The following VPS54 variants were observed in gnomAD, a reference collection of about 807,000 sequenced individuals.
VPS54 encodes the protein vacuolar protein sorting-associated protein 54.
In VPS54, 45 loss-of-function variants were observed where a neutral mutation model predicts 121.5. That is an observed-to-expected ratio of 0.37 (90% confidence interval 0.29 to 0.47). The LOEUF is 0.47. Among genes scored for constraint, VPS54 ranks in the 20% least tolerant of loss-of-function variants. VPS54 has a pLI of 0.99. For synonymous variants in VPS54, 371 were observed against 385.8 expected, an observed-to-expected ratio of 0.96 and a Z score of 0.45; for missense variants, 1,090 against 1,131.4, an observed-to-expected ratio of 0.96 and a Z score of 0.52.
chr2:63,979,700 A>C (rs968112204), intron 3 of VPS54, among the ~76,000 whole-genome samples: 6 of 152,190 alleles, frequency 3.9e-5, no homozygotes, highest in African/African-American at 1.4e-4. Flanking sequence ...ATTCAGTTCA[A>C]ACTACTTTCT....
At chr2:63,999,973 G>A (rs1441778418) in intron 1 of VPS54, among the ~76,000 whole-genome samples, 1 of 151,972 alleles carries the variant, frequency 6.6e-6, no homozygotes, top group Non-Finnish European at 1.5e-5. Flanking sequence ...CAATTCTCCT[G>A]CCTCAGCCTC....
At chr2:63,991,149 G>A (rs548826192) in intron 1 of VPS54, among the ~76,000 whole-genome samples, 10 of 152,082 alleles carry the variant, frequency 6.6e-5, no homozygotes, top group Non-Finnish European at 1.3e-4. Context: ...AAGTAACAAA[G>A]GTGTGTATGA....
chr2:63,911,951 A>T (rs1448300928), intron 20 of VPS54, among the ~76,000 whole-genome samples: 1 of 152,226 alleles, frequency 6.6e-6, no homozygotes, highest in Non-Finnish European at 1.5e-5. Flanking sequence ...ATTTAATGAC[A>T]TATTGGGAAT....
chr2:63,954,173 G>T (rs1400365246), intron 7 of VPS54, among the ~76,000 whole-genome samples: 1 of 152,084 alleles, frequency 6.6e-6, no homozygotes, highest in Non-Finnish European at 1.5e-5. Flanking sequence ...CAGGTCTGGG[G>T]TAGGAAATGC....
At chr2:63,998,652 G>A (rs1336918040) in intron 1 of VPS54, among the ~76,000 whole-genome samples, 3 of 152,100 alleles carry the variant, frequency 2.0e-5, no homozygotes, top group East Asian at 3.9e-4. Flanking sequence ...AATTAACACT[G>A]CTTGTATAAA....
intron 20 of VPS54, among the ~76,000 whole-genome samples, chr2:63,903,688 T>C (rs1672783880): frequency 6.6e-6 from 1 of 152,096 alleles, no homozygotes; most frequent in Non-Finnish European, 1.5e-5. Flanking sequence ...AGGGAAGTAA[T>C]GTCATATTAT....
At chr2:63,938,234 G>C (rs927174811) in intron 11 of VPS54, among the ~76,000 whole-genome samples, 2 of 151,932 alleles carry the variant, frequency 1.3e-5, no homozygotes, top group South Asian at 4.2e-4. Context: ...TCAAGGTGTT[G>C]GGATTATAGG....
At chr2:64,016,913 G>A (rs925696382) in intron 1 of VPS54, among the ~76,000 whole-genome samples, 1 of 150,742 alleles carries the variant, frequency 6.6e-6, no homozygotes, top group Non-Finnish European at 1.5e-5. Flanking sequence ...CCGGCCAAGT[G>A]GTACACCTTA....
At position 63,965,860 on chromosome 2, in the gene VPS54, G is replaced by A; in HGVS notation, c.599C>T (p.Ala200Val). 1 of 1,611,872 alleles carries A rather than the reference G, an allele frequency of 6.2e-7. No homozygotes were observed. The highest frequency in any genetic ancestry group is 8.5e-7 in the Non-Finnish European group (1 of 1,179,462). The change falls in exon 6 of 23, where the codon GCT becomes GTT. Residue 200 changes from alanine (A) to valine (V), a missense_variant. Transcript: ENST00000272322. ...CTTTTCTTGAAGCAACTTTGAGGAA[G>A]CTGCATCACGATTTCCTTTTCCACC... Reference protein sequence around the residue: ...TAGGKGNRDAASSKLLQEKLS... With the variant: ...TAGGKGNRDAVSSKLLQEKLS...
At chr2:63,952,148 C>A (rs1379293594) in intron 7 of VPS54, among the ~76,000 whole-genome samples, 2 of 152,152 alleles carry the variant, frequency 1.3e-5, no homozygotes, top group Non-Finnish European at 1.5e-5. Flanking sequence ...TACTGTGCAA[C>A]ATCGCTTAAG....
intron 2 of VPS54, among the ~76,000 whole-genome samples, chr2:63,982,824 G>C (rs1676860316): frequency 6.6e-6 from 1 of 152,228 alleles, no homozygotes; most frequent in African/African-American, 2.4e-5. Flanking sequence ...TTTATAGTAT[G>C]AGAGCTGAAA....
At chr2:63,991,903 T>A (rs1205612117) in intron 1 of VPS54, among the ~76,000 whole-genome samples, 1 of 152,162 alleles carries the variant, frequency 6.6e-6, no homozygotes, top group Non-Finnish European at 1.5e-5. Context: ...ACGTTAGGGG[T>A]TGGGGCGGTC....
chr2:63,928,062 G>A (rs1490867443), intron 12 of VPS54, among the ~76,000 whole-genome samples: 1 of 152,204 alleles, frequency 6.6e-6, no homozygotes, highest in African/African-American at 2.4e-5. Flanking sequence ...GTGATGGGAA[G>A]AGTGGAACCA....
At chr2:63,949,643 A>T (rs1461760283) in intron 7 of VPS54, among the ~76,000 whole-genome samples, 2 of 149,940 alleles carry the variant, frequency 1.3e-5, no homozygotes, top group Non-Finnish European at 3.0e-5. Flanking sequence ...CATAAAAGTT[A>T]TCTTCACATT....
chr2:63,914,145 G>A (rs777857692), intron 17 of VPS54, 37 bp downstream of exon 17: 30 of 1,540,328 alleles, frequency 1.9e-5, no homozygotes, highest in Admixed American at 6.9e-5. Context: ...TTAATTCCTC[G>A]AAAAATTTTT....
At chr2:63,948,644 T>TC (rs1675101848) in intron 8 of VPS54, among the ~76,000 whole-genome samples, 1 of 152,100 alleles carries the variant, frequency 6.6e-6, no homozygotes, top group African/African-American at 2.4e-5. Context: ...CAAGCAATCT[T>TC]CCCACCTCAG....
chr2:63,965,406 G>A (rs967685444), intron 6 of VPS54, among the ~76,000 whole-genome samples: 1 of 152,192 alleles, frequency 6.6e-6, no homozygotes, highest in African/African-American at 2.4e-5. Context: ...AACCCAGGAG[G>A]TGGAGGTTGC....
chr2:63,935,803 A>C (rs1674427292), intron 11 of VPS54, among the ~76,000 whole-genome samples: 1 of 152,212 alleles, frequency 6.6e-6, no homozygotes, highest in Non-Finnish European at 1.5e-5. Context: ...AAACTGGTTC[A>C]ATCAATTAAA....
At chr2:63,962,645 CAA>C (rs986361589) in intron 6 of VPS54, among the ~76,000 whole-genome samples, 1 of 152,082 alleles carries the variant, frequency 6.6e-6, no homozygotes, top group African/African-American at 2.4e-5. Context: ...AAATGTAAGA[CAA>C]AAGAGTACAA....
Sources: gnomAD v4.1 joint callset for allele counts (sites outside exome capture counted in the v4.1 genomes callset) on GRCh38, gnomAD v4.1.1 for gene constraint, MANE v1.5 for transcripts, NCBI Gene and HGNC (gene_info 2026-07-23, HGNC 2026-07-21) for gene names.